Variants in SPOP observed in about 807,000 individuals in gnomAD.
SPOP encodes speckle type BTB/POZ protein, also known as speckle-type POZ protein.
A neutral mutation model predicts 45.6 loss-of-function variants in SPOP; 11 were observed. The ratio of observed to expected loss-of-function variants is 0.24; its 90% CI spans 0.15 to 0.40. The LOEUF (loss-of-function observed/expected upper bound fraction) is 0.40, where lower values mean the gene tolerates loss of function less well. Among genes scored for constraint, SPOP ranks in the 10% least tolerant of loss-of-function variants. The pLI, the probability that SPOP is intolerant of heterozygous loss-of-function variation, is 1.00. For missense variants in SPOP, 152 were observed against 465.6 expected (o/e 0.33, Z 6.20); for synonymous variants, 166 against 166.3 (o/e 1.00, Z 0.01).
At chr17:49,669,019 G>A (rs1024333332) in intron 1 of SPOP, among the ~76,000 whole-genome samples, 2 of 151,628 alleles carry the variant, frequency 1.3e-5, no homozygotes, top group African/African-American at 4.8e-5. Flanking sequence ...CTCGTGATCC[G>A]CCCATCTCGG....
intron 1 of SPOP, among the ~76,000 whole-genome samples, chr17:49,670,307 G>T (rs543463600): frequency 1.3e-5 from 2 of 152,350 alleles, no homozygotes; most frequent in Non-Finnish European, 2.9e-5. Flanking sequence ...TGGCAAATGT[G>T]TCAGAATAGC....
At chr17:49,612,710 T>C (rs533330638) in intron 5 of SPOP, 3 of 152,350 alleles carry the variant, frequency 2.0e-5, no homozygotes, top group Admixed American at 1.3e-4. Context: ...GCCTAACAAT[T>C]GTTGTTATGC....
chr17:49,658,395 T>C (rs1353911161), intron 1 of SPOP, among the ~76,000 whole-genome samples: 1 of 152,254 alleles, frequency 6.6e-6, no homozygotes, highest in Non-Finnish European at 1.5e-5. Flanking sequence ...AAATACCATG[T>C]TGATTTTTAA....
intron 1 of SPOP, among the ~76,000 whole-genome samples, chr17:49,626,368 T>C (rs1286899435): frequency 1.3e-5 from 2 of 152,198 alleles, no homozygotes; most frequent in Non-Finnish European, 2.9e-5. Context: ...ATTTTTGGAA[T>C]CTGCCTCAAA....
chr17:49,647,214 T>C (rs1291098789), intron 1 of SPOP, among the ~76,000 whole-genome samples: 3 of 143,718 alleles, frequency 2.1e-5, no homozygotes, highest in South Asian at 2.3e-4. Context: ...AGGCTGAGGC[T>C]GGAGAATCGC....
intron 1 of SPOP, among the ~76,000 whole-genome samples, chr17:49,669,610 C>T (rs2073111073): frequency 1.3e-5 from 2 of 149,496 alleles, no homozygotes; most frequent in African/African-American, 4.9e-5. Context: ...ACTAAAAATA[C>T]AAAAATTAGC....
intron 1 of SPOP, among the ~76,000 whole-genome samples, chr17:49,633,013 T>C (rs1391884446): frequency 3.3e-5 from 5 of 152,258 alleles, no homozygotes; most frequent in Non-Finnish European, 7.3e-5. Context: ...AACACATTTC[T>C]GGCATAGCCA....
At chr17:49,617,310 T>G (rs2072109138) in intron 5 of SPOP, among the ~76,000 whole-genome samples, 1 of 152,234 alleles carries the variant, frequency 6.6e-6, no homozygotes, top group East Asian at 1.9e-4. Flanking sequence ...TAGGTGAAGA[T>G]TCAAACTGTG....
chr17:49,598,959 G>C lies in SPOP; in HGVS notation c.*1419C>G, dbSNP rs1444604568. On this transcript the variant is annotated 3_prime_UTR_variant, in exon 10 of 10. Coordinates refer to ENST00000504102, the MANE Select transcript of SPOP (RefSeq NM_001007228.2). Reference sequence around the variant, plus strand: ...ATCTTTTTATATTTAGTTAGAAGAAGGGAGGTGGGGATTAGGTCTTAAAAC... The same window carrying C: ...ATCTTTTTATATTTAGTTAGAAGAACGGAGGTGGGGATTAGGTCTTAAAAC... 1 of 194,466 alleles carries C rather than the reference G, an allele frequency of 5.1e-6. No homozygotes were observed. Among genetic ancestry groups the C allele is most frequent in the Non-Finnish European group, 1.1e-5 (1 of 93,098 alleles). 12.0% of individuals were successfully genotyped at this position (194,466 alleles called of 1,614,324 possible). A position where few individuals can be genotyped will look rare whatever the true frequency, so the allele number is the denominator to read the frequency against.
chr17:49,669,080 T>C (rs1244084891), intron 1 of SPOP, among the ~76,000 whole-genome samples: 1 of 137,338 alleles, frequency 7.3e-6, no homozygotes, highest in Non-Finnish European at 1.6e-5. Flanking sequence ...CCGGCCTTTT[T>C]TTTTTGAGAT....
intron 1 of SPOP, among the ~76,000 whole-genome samples, chr17:49,644,524 ACTAGTTGT>A (rs1171921085): frequency 2.0e-5 from 3 of 152,180 alleles, no homozygotes; most frequent in African/African-American, 7.2e-5. Flanking sequence ...AAGGTTGTTC[ACTAGTTGT>A]CTGTAATGTA....
intron 1 of SPOP, among the ~76,000 whole-genome samples, chr17:49,647,292 AGAGT>A (rs1209242865): frequency 7.1e-6 from 1 of 140,170 alleles, no homozygotes; most frequent in Non-Finnish European, 1.5e-5. Context: ...CTTGGGCTAC[AGAGT>A]GAGTGAGATG....
chr17:49,674,089 G>A (rs958183438), intron 1 of SPOP, among the ~76,000 whole-genome samples: 2 of 152,158 alleles, frequency 1.3e-5, no homozygotes, highest in Non-Finnish European at 2.9e-5. Flanking sequence ...AGAGGTTGCG[G>A]TGAGTCGAGA....
intron 2 of SPOP, 93 bp downstream of exon 2, chr17:49,622,640 G>A: frequency 9.2e-7 from 1 of 1,084,172 alleles, no homozygotes; most frequent in Non-Finnish European, 1.4e-6. Flanking sequence ...TCCAGAGAAA[G>A]CAAGAAGCCC....
At chr17:49,607,061 A>T in intron 8 of SPOP, 189 bp downstream of exon 8, 1 of 609,214 alleles carries the variant, frequency 1.6e-6, no homozygotes, top group Non-Finnish European at 2.7e-6. Context: ...TATTCAAAAC[A>T]GGACACTTTT....
chr17:49,644,386 G>A (rs1457778077), intron 1 of SPOP, among the ~76,000 whole-genome samples: 2 of 152,066 alleles, frequency 1.3e-5, no homozygotes, highest in African/African-American at 2.4e-5. Context: ...ATACCAAAGT[G>A]TTGGACCCAG....
At chr17:49,606,378 ACTC>A (rs1226571660) in intron 8 of SPOP, among the ~76,000 whole-genome samples, 2 of 147,170 alleles carry the variant, frequency 1.4e-5, no homozygotes, top group Non-Finnish European at 3.0e-5. Flanking sequence ...CTGGCCTTGA[ACTC>A]CTGGGCTCAA....
chr17:49,657,950 C>G (rs1410327339), intron 1 of SPOP, among the ~76,000 whole-genome samples: 2 of 152,072 alleles, frequency 1.3e-5, no homozygotes, highest in East Asian at 1.9e-4. Flanking sequence ...ATCCGCCCAC[C>G]TCAGCCTCCC....
chr17:49,625,789 A>C (rs188982662), intron 1 of SPOP, among the ~76,000 whole-genome samples: 69 of 152,314 alleles, frequency 4.5e-4, no homozygotes, highest in African/African-American at 1.5e-3. Context: ...ACAACAACAA[A>C]AAACAGCCTT....
Sources: gnomAD v4.1 joint callset for allele counts (sites outside exome capture counted in the v4.1 genomes callset) on GRCh38, gnomAD v4.1.1 for gene constraint, MANE v1.5 for transcripts, NCBI Gene and HGNC (gene_info 2026-07-23, HGNC 2026-07-21) for gene names.